CAMK4: variants seen among roughly 807,000 people sequenced by gnomAD.
CAMK4 encodes calcium/calmodulin dependent protein kinase IV.
A neutral mutation model predicts 44.9 loss-of-function variants in CAMK4; 22 were observed. That is an observed-to-expected ratio of 0.49 (90% confidence interval 0.35 to 0.70). CAMK4 has a LOEUF of 0.70. Among genes scored for constraint, CAMK4 ranks in the 30% least tolerant of loss-of-function variants. The pLI, the probability that CAMK4 is intolerant of heterozygous loss-of-function variation, is 0.01. For synonymous variants in CAMK4, 218 were observed against 215.4 expected, an observed-to-expected ratio of 1.01 and a Z score of -0.11; for missense variants, 498 against 586.8, an observed-to-expected ratio of 0.85 and a Z score of 1.56.
chr5:111,248,300 A>G (rs1749328662), intron 1 of CAMK4, among the ~76,000 whole-genome samples: 1 of 152,052 alleles, frequency 6.6e-6, no homozygotes. Context: ...ATATTTGTTC[A>G]GAGCTATCAC....
At chr5:111,317,029 C>T (rs530303236) in intron 1 of CAMK4, among the ~76,000 whole-genome samples, 14 of 151,656 alleles carry the variant, frequency 9.2e-5, no homozygotes, top group Non-Finnish European at 1.9e-4. Flanking sequence ...TGTTTTTGAC[C>T]CAAAAACAGA....
chr5:111,401,644 T>C (rs1022844926), intron 5 of CAMK4, among the ~76,000 whole-genome samples: 1 of 152,068 alleles, frequency 6.6e-6, no homozygotes. Flanking sequence ...CAGAAACAGA[T>C]TTAGCTTTTT....
chr5:111,473,028 A>G (rs542710488), intron 7 of CAMK4, among the ~76,000 whole-genome samples: 2 of 152,336 alleles, frequency 1.3e-5, no homozygotes, highest in South Asian at 2.1e-4. Context: ...TGTAGCATAC[A>G]TACAGCTCTA....
chr5:111,414,802 A>T (rs1752760503), intron 5 of CAMK4, among the ~76,000 whole-genome samples: 1 of 152,168 alleles, frequency 6.6e-6, no homozygotes. Context: ...AACTAGGAAT[A>T]AATTATCCAA....
chr5:111,329,353 A>G (rs1224714558), intron 1 of CAMK4, among the ~76,000 whole-genome samples: 2 of 151,880 alleles, frequency 1.3e-5, no homozygotes. Context: ...CTCCTATTCA[A>G]CATGGTGTTG....
intron 4 of CAMK4, among the ~76,000 whole-genome samples, chr5:111,382,151 T>C (rs556708193): frequency 2.6e-5 from 4 of 152,330 alleles, no homozygotes; most frequent in Non-Finnish European, 5.9e-5. Context: ...TAACTCTCTC[T>C]TCACCTTTTT....
In CAMK4 at chr5:111,248,969, T is replaced by TA. The variant is rs974400652; in HGVS notation, c.161+24325_161+24326insA. 7.6e-5 allele frequency among the ~76,000 whole-genome samples: 11 copies of TA among 145,280 alleles called. 1 individual carries two copies. The highest frequency in any genetic ancestry group is 4.3e-4 in the East Asian group (2 of 4,636). On this transcript the variant is annotated intron_variant, in intron 1 of 10. Coordinates refer to ENST00000282356, the MANE Select transcript of CAMK4 (RefSeq NM_001744.6). Reference sequence around the variant, plus strand: ...TACTTCCTATTGCGGGGGCGGTGTGTGGGGGGGTCACCTTAATCTGTTTGC... The same window carrying TA: ...TACTTCCTATTGCGGGGGCGGTGTGTAGGGGGGGTCACCTTAATCTGTTTGC...
At position 111,247,434 on chromosome 5, in the gene CAMK4, T is replaced by C. The variant is rs149546653; in HGVS notation, c.161+22790T>C. On this transcript the variant is annotated intron_variant, in intron 1 of 10. Transcript: ENST00000282356. Reference sequence around the variant, plus strand: ...ATTTATGTATATTTATACTTATAGATACATAAATTTATAAATTTCATAAAA... The same window carrying C: ...ATTTATGTATATTTATACTTATAGACACATAAATTTATAAATTTCATAAAA... 4.4e-3 allele frequency among the ~76,000 whole-genome samples: 657 copies of C among 148,158 alleles called. 5 individuals are homozygous for C. Among genetic ancestry groups the C allele is most frequent in the African/African-American group, 0.015 (621 of 40,960 alleles).
chr5:111,224,220 A>G (rs564921572), upstream of CAMK4: 8 of 316,826 alleles, frequency 2.5e-5, no homozygotes, highest in Non-Finnish European at 3.4e-5. The surrounding 1 kb of genome is among the most constrained non-coding windows in gnomAD (Gnocchi z 5.7). Flanking sequence ...AGCGAGGGGG[A>G]GGGAGCCTCT....
Position 111,224,676 on chromosome 5 carries a change from C to T in CAMK4, c.161+32C>T, listed in dbSNP as rs755263035. On this transcript the variant is annotated intron_variant, in intron 1 of 10. Coordinates refer to ENST00000282356, the MANE Select transcript of CAMK4 (RefSeq NM_001744.6). This position sits in a 1 kb window ranked among gnomAD's most constrained non-coding sequence, Gnocchi z 5.7. Reference sequence around the variant, plus strand: ...CGCGGGCTCCGGCTGGGGAAGCCCGCGGCGTGCACTGGGGGTTGTCCCTCT... The same window carrying T: ...CGCGGGCTCCGGCTGGGGAAGCCCGTGGCGTGCACTGGGGGTTGTCCCTCT... 3.8e-6 allele frequency: 6 copies of T among 1,586,318 alleles called. No individual in the cohort carries two copies. Among genetic ancestry groups the T allele is most frequent in the Non-Finnish European group, 2.6e-6 (3 of 1,166,568 alleles).
At chr5:111,274,917 A>G (rs549450925) in intron 1 of CAMK4, among the ~76,000 whole-genome samples, 1 of 152,246 alleles carries the variant, frequency 6.6e-6, no homozygotes, top group South Asian at 2.1e-4. Context: ...TATGTAATGA[A>G]AAAGTCCAGT....
intron 1 of CAMK4, among the ~76,000 whole-genome samples, chr5:111,315,999 A>G (rs1748406529): frequency 1.3e-5 from 2 of 152,134 alleles, no homozygotes; most frequent in Admixed American, 6.6e-5. Flanking sequence ...TAATTAATGC[A>G]GGAAGCAAAA....
In CAMK4 at chr5:111,358,983, G is replaced by C. The variant is rs116007416; in HGVS notation, c.240+14881G>C. On this transcript the variant is annotated intron_variant, in intron 2 of 10. Coordinates refer to ENST00000282356, the MANE Select transcript of CAMK4 (RefSeq NM_001744.6). ...TTCTTTATTCAGTTTACCATTGATG[G>C]ACATTTAGGTTAATTCTATGTATTA... is the stretch of plus-strand genomic sequence containing the variant. Among the ~76,000 whole-genome samples the C allele has an allele frequency of 4.0e-3, 616 of 152,196 alleles. 5 individuals carry two copies. Among genetic ancestry groups the C allele is most frequent in the African/African-American group, 0.014 (594 of 41,530 alleles).
chr5:111,454,898 A>G (rs1417435286), intron 7 of CAMK4, among the ~76,000 whole-genome samples: 2 of 152,144 alleles, frequency 1.3e-5, no homozygotes, highest in African/African-American at 4.8e-5. Context: ...TATCTAATTT[A>G]TTCATAAGCT....
intron 1 of CAMK4, among the ~76,000 whole-genome samples, chr5:111,341,917 C>T (rs1269205645): frequency 6.6e-6 from 1 of 151,412 alleles, no homozygotes; most frequent in Non-Finnish European, 1.5e-5. Context: ...AATATGACAA[C>T]TGTTCTTTAT....
chr5:111,455,878 C>G (rs1331418767), intron 7 of CAMK4, among the ~76,000 whole-genome samples: 3 of 152,156 alleles, frequency 2.0e-5, no homozygotes, highest in Non-Finnish European at 4.4e-5. Context: ...GTCTCCTCAA[C>G]TATACAATGG....
intron 7 of CAMK4, among the ~76,000 whole-genome samples, chr5:111,459,686 C>CTTTTTTTTTTTTTTTTTTTTTT (rs56176713): frequency 8.1e-5 from 7 of 86,690 alleles, no homozygotes; most frequent in African/African-American, 3.5e-4. Flanking sequence ...TAGAGACAGT[C>CTTTTTTTTTTTTTTTTTTTTTT]TTTTTTTTTT....
chr5:111,421,187 T>A (rs544459451), intron 5 of CAMK4, among the ~76,000 whole-genome samples: 1 of 152,292 alleles, frequency 6.6e-6, no homozygotes, highest in African/African-American at 2.4e-5. Flanking sequence ...CCATTTGGGG[T>A]CCCTGACTTC....
intron 1 of CAMK4, among the ~76,000 whole-genome samples, chr5:111,325,526 C>CT (rs1184079524): frequency 6.6e-6 from 1 of 151,680 alleles, no homozygotes; most frequent in East Asian, 1.9e-4. Context: ...TAGCATCTGT[C>CT]TTTTTTATAA....
Sources: allele counts gnomAD v4.1 joint callset (sites outside exome capture counted in the v4.1 genomes callset), GRCh38; gene constraint gnomAD v4.1.1; non-coding constraint Gnocchi (gnomAD v3.1); transcripts MANE v1.5; gene names NCBI Gene and HGNC (gene_info 2026-07-23, HGNC 2026-07-21).